Variants in DNAH5 observed in about 807,000 individuals in gnomAD.
The protein encoded by DNAH5 is axonemal beta dynein heavy chain 5.
Under a neutral mutation model 518.2 loss-of-function variants are expected in DNAH5, and 372 were observed. The ratio of observed to expected loss-of-function variants is 0.72; its 90% confidence interval spans 0.66 to 0.78. The LOEUF (loss-of-function observed/expected upper bound fraction) is 0.78, where lower values mean the gene tolerates loss of function less well. DNAH5 is among the 30% of genes least tolerant of loss of function. The pLI is 0.00. For synonymous variants in DNAH5, 2,039 were observed against 2,025.9 expected (o/e 1.01, Z -0.17); for missense variants, 5,523 against 5,687.0 (o/e 0.97, Z 0.93).
intron 78 of DNAH5, among the ~76,000 whole-genome samples, chr5:13,693,055 G>A (rs776501528): frequency 1.9e-4 from 29 of 152,212 alleles, no homozygotes; most frequent in Non-Finnish European, 2.6e-4. Flanking sequence ...TAGTTTATCT[G>A]CACATCTCCT....
Position 13,885,027 on chromosome 5 carries a change from C to T in DNAH5, c.2945G>A (p.Arg982His), listed in dbSNP as rs200704983. Residue 982 changes from arginine (R) to histidine (H), a missense_variant, in exon 19 of 79, where the codon CGC becomes CAC. Around this residue, in one of 3 missense-constraint regions of DNAH5, gnomAD observed 5,121 missense variants for 5,223.3 expected, o/e 0.98. Coordinates refer to ENST00000265104, the MANE Select transcript of DNAH5 (RefSeq NM_001369.3). ...TGTGTGAGAGGAATGAATACGTTTGCGAATGGCCTCTAGTGTATTCCTTGT... is the reference window on the plus strand; with the variant it reads ...TGTGTGAGAGGAATGAATACGTTTGTGAATGGCCTCTAGTGTATTCCTTGT... ...KVTRNTLEAI[R>H]KRIHSSHTIN... is the part of the protein sequence containing the mutation. 11 of 1,614,132 alleles carry T rather than the reference C, an allele frequency of 6.8e-6. No homozygotes were observed. The highest frequency in any genetic ancestry group is 3.3e-5 in the South Asian group (3 of 91,076).
At chr5:13,916,008 A>T (rs552664530) in intron 9 of DNAH5, among the ~76,000 whole-genome samples, 1 of 152,206 alleles carries the variant, frequency 6.6e-6, no homozygotes, top group African/African-American at 2.4e-5. Context: ...GGAGATAGCC[A>T]GTTAAATATA....
chr5:13,849,715 A>AT (rs761864263), intron 31 of DNAH5, among the ~76,000 whole-genome samples: 345 of 151,654 alleles, frequency 2.3e-3, no homozygotes, highest in Non-Finnish European at 3.7e-3. Context: ...GCCGTCTCAA[A>AT]TTTTTTTTTG....
intron 1 of DNAH5, among the ~76,000 whole-genome samples, chr5:13,980,532 T>C (rs948143632): frequency 6.6e-6 from 1 of 151,784 alleles, no homozygotes; most frequent in Non-Finnish European, 1.5e-5. Flanking sequence ...CTTTCTCTCA[T>C]CCCCCTTCAC....
chr5:13,725,210 T>A (rs956760913), intron 70 of DNAH5, among the ~76,000 whole-genome samples: 4 of 152,206 alleles, frequency 2.6e-5, no homozygotes, highest in Non-Finnish European at 5.9e-5. Flanking sequence ...GACATGAAAG[T>A]ATGAAACTGA....
chr5:13,780,260 G>T (rs984885243), intron 53 of DNAH5, among the ~76,000 whole-genome samples: 1 of 152,116 alleles, frequency 6.6e-6, no homozygotes, highest in African/African-American at 2.4e-5. Flanking sequence ...GCTTCAATAG[G>T]ATTTGGTCTG....
intron 65 of DNAH5, among the ~76,000 whole-genome samples, chr5:13,746,535 C>A (rs894423632): frequency 2.4e-4 from 37 of 152,198 alleles, no homozygotes; most frequent in African/African-American, 8.9e-4. Flanking sequence ...TTCCACAGGC[C>A]TATGAAGCAT....
chr5:13,912,608 T>A (rs1476410898), intron 11 of DNAH5, among the ~76,000 whole-genome samples: 2 of 151,760 alleles, frequency 1.3e-5, no homozygotes, highest in Middle Eastern at 3.5e-3. Flanking sequence ...TACATACACA[T>A]GTAGCTTTTC....
chr5:13,954,535 A>ATT (rs1299508844), intron 1 of DNAH5, among the ~76,000 whole-genome samples: 14 of 152,258 alleles, frequency 9.2e-5, no homozygotes, highest in Admixed American at 2.6e-4. Context: ...AAGCTTAAAT[A>ATT]AAGTCTGCAA....
Position 13,986,689 on chromosome 5 carries a change from G to A in DNAH5, c.12+24959C>T, listed in dbSNP as rs188133533. Among the ~76,000 whole-genome samples the A allele has an allele frequency of 3.3e-3, 508 of 152,260 alleles. 1 individual carries two copies. The highest frequency in any genetic ancestry group is 0.01 in the Middle Eastern group (3 of 294). ...ACCTGGCATCATCACTACCCACGCTGTAATTCCCCGAGACAACCCTGGCCC... is the reference window on the plus strand; with the variant it reads ...ACCTGGCATCATCACTACCCACGCTATAATTCCCCGAGACAACCCTGGCCC... On this transcript the variant is annotated intron_variant, in intron 1 of 78. Coordinates refer to the DNAH5 transcript ENST00000681290.
At chr5:13,825,628 G>T (rs1329447099) in intron 38 of DNAH5, among the ~76,000 whole-genome samples, 3 of 152,138 alleles carry the variant, frequency 2.0e-5, no homozygotes, top group Non-Finnish European at 4.4e-5. Flanking sequence ...AATATTATAT[G>T]ATTTCATTTA....
rs370915981 is a variant in DNAH5 at position 13,923,136 on chromosome 5, G to A, written c.438+144C>T. 22 of 1,061,644 alleles carry A rather than the reference G, an allele frequency of 2.1e-5. No homozygotes were observed. In the African/African-American group the frequency reaches 2.5e-4, roughly 12 times the overall value. 65.8% of individuals were successfully genotyped at this position (1,061,644 alleles called of 1,614,324 possible). On this transcript the variant is annotated intron_variant, in intron 4 of 78. Coordinates refer to ENST00000265104, the MANE Select transcript of DNAH5 (RefSeq NM_001369.3). ...AAAGGGAATGTCCTCTTAATTTCTT[G>A]CTTTAAATTTTTAAAAAATACTTCT...
intron 1 of DNAH5, among the ~76,000 whole-genome samples, chr5:13,959,344 A>C (rs1038407701): frequency 2.0e-5 from 3 of 152,238 alleles, no homozygotes; most frequent in African/African-American, 7.2e-5. Flanking sequence ...CTGAAGACTC[A>C]AGAAGACTGA....
chr5:13,763,879 G>A (rs1233905396), intron 59 of DNAH5, among the ~76,000 whole-genome samples: 1 of 152,202 alleles, frequency 6.6e-6, no homozygotes, highest in Non-Finnish European at 1.5e-5. Context: ...TCAGGAACGT[G>A]TAATCACTTG....
chr5:13,784,901 C>T (rs909010077), intron 52 of DNAH5, among the ~76,000 whole-genome samples: 3 of 151,986 alleles, frequency 2.0e-5, no homozygotes, highest in Non-Finnish European at 2.9e-5. Flanking sequence ...AAAATGGATA[C>T]GGTAATGACT....
At chr5:13,904,858 C>G (rs1382764095) in intron 12 of DNAH5, among the ~76,000 whole-genome samples, 1 of 151,962 alleles carries the variant, frequency 6.6e-6, no homozygotes, top group Non-Finnish European at 1.5e-5. Context: ...CTGCTGTGAG[C>G]CAAGATCGCA....
At chr5:13,837,304 T>C (rs897234811) in intron 35 of DNAH5, among the ~76,000 whole-genome samples, 3 of 152,172 alleles carry the variant, frequency 2.0e-5, no homozygotes. Context: ...TTGAGGGGTT[T>C]TGAAGGGAGC....
intron 25 of DNAH5, 109 bp from the exon 26 acceptor site, chr5:13,866,391 C>T: frequency 1.1e-6 from 1 of 898,558 alleles, no homozygotes; most frequent in Non-Finnish European, 1.7e-6. Flanking sequence ...TGATAGGAAA[C>T]TTCATTTTTA....
Position 13,691,986 on chromosome 5 carries a change from A to C in DNAH5, c.13873T>G (p.Ter4625GluextTer16), listed in dbSNP as rs201246418. ...RGVALLCDVK[*>E] Reference sequence around the variant, plus strand: ...TGGGTGGGGACACTCCCCACATGTTACTTGACATCACACAGAAGGGCAACC... The same window carrying C: ...TGGGTGGGGACACTCCCCACATGTTCCTTGACATCACACAGAAGGGCAACC... The change falls in exon 79 of 79, where the codon TAA becomes GAA. Residue 4625 changes from the stop codon to glutamate (E), a stop_lost. Coordinates refer to ENST00000265104, the MANE Select transcript of DNAH5 (RefSeq NM_001369.3). 1 of 1,614,106 alleles carries C rather than the reference A, an allele frequency of 6.2e-7. No homozygotes were observed. Among genetic ancestry groups the C allele is most frequent in the Non-Finnish European group, 8.5e-7 (1 of 1,179,972 alleles).
Sources: gnomAD v4.1 joint callset for allele counts (sites outside exome capture counted in the v4.1 genomes callset) on GRCh38, gnomAD v4.1.1 for gene constraint, gnomAD v4.1.1 regional missense constraint, MANE v1.5 for transcripts, NCBI Gene and HGNC (gene_info 2026-07-23, HGNC 2026-07-21) for gene names.